The following ATP1A3 variants were observed in gnomAD, a reference collection of about 807,000 sequenced individuals.
The protein encoded by ATP1A3 is sodium/potassium-transporting ATPase subunit alpha-3.
ATP1A3 carries 12 observed loss-of-function variants against 108.8 expected under a neutral mutation model. The ratio of observed to expected loss-of-function variants is 0.11; its 90% CI spans 0.07 to 0.18. ATP1A3 has a LOEUF of 0.18. ATP1A3 is among the 10% of genes least tolerant of loss of function. ATP1A3 has a pLI of 1.00. For synonymous variants in ATP1A3, 539 were observed against 564.5 expected (o/e 0.95, Z 0.64); for missense variants, 498 against 1,387.7 (o/e 0.36, Z 10.19).
At position 41,967,417 on chromosome 19, in the gene ATP1A3, C is replaced by T; in HGVS notation, c.2922-77G>A. On this transcript the variant is annotated intron_variant, in intron 21 of 22. Transcript: ENST00000648268. This position sits in a 1 kb window ranked among gnomAD's most constrained non-coding sequence, Gnocchi z 4.2. ...GAGTTTCAGGGGACTGGAGGGGACGCAGAGGGGCAGTCTCCCAGGATCCTT... is the reference window on the plus strand; with the variant it reads ...GAGTTTCAGGGGACTGGAGGGGACGTAGAGGGGCAGTCTCCCAGGATCCTT... The T allele has an allele frequency of 1.3e-6, 2 of 1,483,360 alleles. No homozygotes were observed. Among genetic ancestry groups the T allele is most frequent in the South Asian group, 2.3e-5 (2 of 86,498 alleles). 91.9% of individuals were successfully genotyped at this position (1,483,360 alleles called of 1,614,324 possible).
At position 41,973,253 on chromosome 19, in the gene ATP1A3, T is replaced by TTTTG. The variant is rs1454020527; in HGVS notation, c.2263+2372_2263+2375dup. The stretch of plus-strand genomic sequence containing the variant: ...TCTGGAATGCCCCCGTTGGAAGTTA[T>TTTTG]TTTGTTTGTTTGTTTGAGACAGGGT... On this transcript the variant is annotated intron_variant, in intron 16 of 22. Coordinates refer to ENST00000648268, the MANE Select transcript of ATP1A3 (RefSeq NM_152296.5). Among the ~76,000 whole-genome samples the TTTTG allele has an allele frequency of 3.9e-5, 6 of 152,202 alleles. No individual in the cohort carries two copies. The East Asian group carries it at 5.8e-4, about 15-fold the overall frequency.
intron 14 of ATP1A3, 111 bp from the exon 15 acceptor site, chr19:41,976,677 G>A (rs1555861433): frequency 2.0e-6 from 3 of 1,486,570 alleles, no homozygotes; most frequent in Admixed American, 3.8e-5. Context: ...AGGAGAGCCA[G>A]AGGACCAGGG....
rs1366960786 is a variant in ATP1A3, at chr19:41,988,179, A to G, written c.154-40T>C. On this transcript the variant is annotated intron_variant, in intron 3 of 22. Coordinates refer to ENST00000648268, the MANE Select transcript of ATP1A3 (RefSeq NM_152296.5). The surrounding 1 kb of genome is among the most constrained non-coding windows in gnomAD (Gnocchi z 5.3). ...ACTCACACAGAACCCTCCCTGGGCA[A>G]CCCTGGCACCCCAGGCCTTCACCAG... 3.7e-6 allele frequency: 6 copies of G among 1,613,312 alleles called. No homozygotes were observed. The highest frequency in any genetic ancestry group is 5.1e-6 in the Non-Finnish European group (6 of 1,179,432).
chr19:41,987,071 T>C (rs2075293844), intron 4 of ATP1A3, among the ~76,000 whole-genome samples: 2 of 152,182 alleles, frequency 1.3e-5, no homozygotes, highest in South Asian at 4.1e-4. Flanking sequence ...TGTGTGTCTG[T>C]CCTCCTGCAC....
At chr19:41,971,545 C>T (rs1027148585) in intron 16 of ATP1A3, among the ~76,000 whole-genome samples, 1 of 152,166 alleles carries the variant, frequency 6.6e-6, no homozygotes, top group Admixed American at 6.5e-5. Context: ...ACGGTACATC[C>T]ATGCAGTCAA....
In ATP1A3 at chr19:41,966,852, C is replaced by T. The variant is rs782668761; in HGVS notation, c.*85G>A. On this transcript the variant is annotated 3_prime_UTR_variant, in exon 23 of 23. Coordinates refer to ENST00000648268, the MANE Select transcript of ATP1A3 (RefSeq NM_152296.5). Reference sequence around the variant, plus strand: ...CCACAGGAAGAGAGGGCTCCTCCCCCCAGAATACAAAATTGGGGGGACTGA... The same window carrying T: ...CCACAGGAAGAGAGGGCTCCTCCCCTCAGAATACAAAATTGGGGGGACTGA... 90 of 1,548,582 alleles carry T rather than the reference C, an allele frequency of 5.8e-5. No individual in the cohort carries two copies. Among genetic ancestry groups the T allele is most frequent in the Non-Finnish European group, 7.3e-5 (84 of 1,145,808 alleles).
Position 41,985,730 on chromosome 19 carries a change from T to C in ATP1A3, c.606+134A>G, listed in dbSNP as rs1251615683. 2.2e-6 allele frequency: 3 copies of C among 1,366,056 alleles called. No homozygotes were observed. Among genetic ancestry groups the C allele is most frequent in the Admixed American group, 2.3e-5 (1 of 43,126 alleles). 84.6% of individuals were successfully genotyped at this position (1,366,056 alleles called of 1,614,324 possible). The stretch of plus-strand genomic sequence containing the variant: ...CTCCTGGGTCTGAGGGAGGAGGGCC[T>C]GGGGGCCTGGACTCCTGGGTCTGAG... On this transcript the variant is annotated intron_variant, in intron 6 of 22. Transcript: ENST00000648268. This position sits in a 1 kb window ranked among gnomAD's most constrained non-coding sequence, Gnocchi z 8.2.
Position 41,968,494 on chromosome 19 carries a change from G to A in ATP1A3, c.2819+291C>T, listed in dbSNP as rs2075068268. Among the ~76,000 whole-genome samples, 1 of 152,142 alleles carries A rather than the reference G, an allele frequency of 6.6e-6. No homozygotes were observed. The highest frequency in any genetic ancestry group is 2.1e-4 in the South Asian group (1 of 4,822). On this transcript the variant is annotated intron_variant, in intron 20 of 22. Coordinates refer to ENST00000648268, the MANE Select transcript of ATP1A3 (RefSeq NM_152296.5). The surrounding 1 kb of genome is among the most constrained non-coding windows in gnomAD (Gnocchi z 5.0). ...ACTGCACTCCAGCCTGGGCAACAGA[G>A]CAAGACTCTGTCTCTAAATAAATAA... is the stretch of plus-strand genomic sequence containing the variant.
intron 4 of ATP1A3, among the ~76,000 whole-genome samples, chr19:41,987,451 G>A (rs1257711115): frequency 2.0e-5 from 3 of 152,058 alleles, no homozygotes; most frequent in East Asian, 1.9e-4. Flanking sequence ...TTGACCCTCC[G>A]TGCACATGCG....
rs1555863227 is a variant in ATP1A3 at position 41,981,356 on chromosome 19, T to A, written c.1437+146A>T. On this transcript the variant is annotated intron_variant, in intron 11 of 22. Coordinates refer to ENST00000648268, the MANE Select transcript of ATP1A3 (RefSeq NM_152296.5). This position sits in a 1 kb window ranked among gnomAD's most constrained non-coding sequence, Gnocchi z 5.0. The stretch of plus-strand genomic sequence containing the variant: ...TCCAACAGAGATCCGGCTCCCACTC[T>A]CAAGCTCTCCCTGTTCCTCTCCCCA... 7.4e-7 allele frequency: 1 copy of A among 1,343,752 alleles called. No homozygotes were observed. Among genetic ancestry groups the A allele is most frequent in the East Asian group, 2.3e-5 (1 of 43,048 alleles). The allele number at this position is 1,343,752 out of a possible 1,614,324, so 83.2% of individuals were successfully genotyped here.
intron 1 of ATP1A3, among the ~76,000 whole-genome samples, chr19:41,989,484 C>G (rs558517106): frequency 2.6e-5 from 4 of 152,108 alleles, no homozygotes; most frequent in African/African-American, 9.6e-5. Flanking sequence ...ACGCCCGGCT[C>G]ATTTTTTTGT....
In ATP1A3 at chr19:41,993,501, GCACACACA is replaced by G. The variant is rs4060828; in HGVS notation, c.6+562_6+569del. The G allele has an allele frequency of 0.16, 108,059 of 668,208 alleles. 2,111 individuals are homozygous for G. The highest frequency in any genetic ancestry group is 0.22 in the East Asian group (6,589 of 29,294). 41.4% of individuals were successfully genotyped at this position (668,208 alleles called of 1,614,324 possible). ...CCCAGGCTGCGACACTGCGGAGCCT[GCACACACA>G]CACACACACACACACACACACACAC... On this transcript the variant is annotated intron_variant, in intron 1 of 22. Coordinates refer to ENST00000648268, the MANE Select transcript of ATP1A3 (RefSeq NM_152296.5).
chr19:41,970,921 C>A (rs556901241), intron 16 of ATP1A3, among the ~76,000 whole-genome samples: 61 of 151,904 alleles, frequency 4.0e-4, no homozygotes, highest in Non-Finnish European at 8.1e-4. Flanking sequence ...CGTGAGCCAC[C>A]GCGCCCGGCC....
intron 14 of ATP1A3, 39 bp from the exon 15 acceptor site, chr19:41,976,605 G>A (rs782581966): frequency 1.2e-6 from 2 of 1,612,292 alleles, no homozygotes; most frequent in Non-Finnish European, 1.7e-6. Flanking sequence ...AGGTCAGGGT[G>A]TGTGAGGAGT....
intron 1 of ATP1A3, among the ~76,000 whole-genome samples, chr19:41,992,662 G>GTC (rs2075351548): frequency 6.6e-6 from 1 of 151,552 alleles, no homozygotes; most frequent in Non-Finnish European, 1.5e-5. Flanking sequence ...CTCTCTCAAT[G>GTC]TCTCTCCATG....
At chr19:41,975,945 T>A in intron 15 of ATP1A3, 148 bp from the exon 16 acceptor site, 1 of 1,123,756 alleles carries the variant, frequency 8.9e-7, no homozygotes, top group Non-Finnish European at 1.3e-6. Context: ...GACCTAGGAG[T>A]TCAGGCCTCC....
intron 16 of ATP1A3, among the ~76,000 whole-genome samples, chr19:41,971,768 T>G (rs1435677934): frequency 6.6e-6 from 1 of 151,752 alleles, no homozygotes; most frequent in Non-Finnish European, 1.5e-5. Flanking sequence ...AAAACCTAAA[T>G]GGGGGGCTGG....
At chr19:41,982,889 G>A (rs563484128) in intron 8 of ATP1A3, among the ~76,000 whole-genome samples, 1 of 152,264 alleles carries the variant, frequency 6.6e-6, no homozygotes, top group South Asian at 2.1e-4. Flanking sequence ...GTTACCCTTG[G>A]GTTGGGGGGC....
In ATP1A3 at chr19:41,968,626, T is replaced by C. The variant is rs550089693; in HGVS notation, c.2819+159A>G. On this transcript the variant is annotated intron_variant, in intron 20 of 22. Transcript: ENST00000648268. This position sits in a 1 kb window ranked among gnomAD's most constrained non-coding sequence, Gnocchi z 5.0. ...AGGAGGTCGAGGCTGCAGTGAGCTA[T>C]GATTACACCACTGAACTCCAGTCTG... is the stretch of plus-strand genomic sequence containing the variant. 6.6e-6 allele frequency among the ~76,000 whole-genome samples: 1 copy of C among 152,244 alleles called. No individual in the cohort carries two copies. Among genetic ancestry groups the C allele is most frequent in the Admixed American group, 6.5e-5 (1 of 15,282 alleles).
Sources: gnomAD v4.1 joint callset for allele counts (sites outside exome capture counted in the v4.1 genomes callset) on GRCh38, gnomAD v4.1.1 for gene constraint, Gnocchi (gnomAD v3.1) non-coding constraint, MANE v1.5 for transcripts, NCBI Gene and HGNC (gene_info 2026-07-23, HGNC 2026-07-21) for gene names.